The following MARCHF11 variants were observed in gnomAD, a reference collection of about 807,000 sequenced individuals.
MARCHF11 encodes the protein membrane associated ring-CH-type finger 11.
In MARCHF11, 29 loss-of-function variants were observed where a neutral mutation model predicts 37.3. The observed-to-expected ratio is 0.78, with a 90% CI of 0.58 to 1.06. The LOEUF is 1.06. Ranked by LOEUF, MARCHF11 falls within the 50% of genes least tolerant of loss-of-function variation. The probability of loss-of-function intolerance (pLI) is 0.00; values close to 1 mark genes in which losing one functional copy is unlikely to be tolerated. For synonymous variants in MARCHF11, 233 were observed against 228.0 expected (o/e 1.02, Z -0.20); for missense variants, 482 against 533.4 (o/e 0.90, Z 0.95).
intron 3 of MARCHF11, among the ~76,000 whole-genome samples, chr5:16,089,521 A>AT (rs1281909954): frequency 6.6e-6 from 1 of 150,532 alleles, no homozygotes; most frequent in South Asian, 2.1e-4. Flanking sequence ...TCATTCTTTT[A>AT]TTTTTTTCTT....
intron 2 of MARCHF11, among the ~76,000 whole-genome samples, chr5:16,114,414 A>C (rs1157532912): frequency 6.6e-6 from 1 of 152,226 alleles, no homozygotes; most frequent in African/African-American, 2.4e-5. Flanking sequence ...AAAATACAGA[A>C]GTCTAAAATC....
At chr5:16,172,685 C>T (rs1309667458) in intron 2 of MARCHF11, among the ~76,000 whole-genome samples, 1 of 152,194 alleles carries the variant, frequency 6.6e-6, no homozygotes, top group African/African-American at 2.4e-5. Context: ...GGTAATTTTT[C>T]AGCTCCTCCT....
chr5:16,067,486 T>C lies in MARCHF11; in HGVS notation c.1194A>G (p.Arg398=). The change falls in exon 4 of 4, where the codon AGA becomes AGG. Residue 398 remains arginine, a synonymous_variant. Transcript: ENST00000332432. Reference sequence around the variant, plus strand: ...TATGCTTTTGTCACACTGAAGTCACTCTCATCACAACCTCCCCCGAGCTGT... The same window carrying C: ...TATGCTTTTGTCACACTGAAGTCACCCTCATCACAACCTCCCCCGAGCTGT... ...EDNSSGEVVM[R]VTSV 1 of 1,613,146 alleles carries C rather than the reference T, an allele frequency of 6.2e-7. No homozygotes were observed. The highest frequency in any genetic ancestry group is 2.2e-5 in the East Asian group (1 of 44,858).
At chr5:16,144,088 C>T (rs1737762891) in intron 2 of MARCHF11, among the ~76,000 whole-genome samples, 1 of 152,140 alleles carries the variant, frequency 6.6e-6, no homozygotes, top group East Asian at 1.9e-4. Context: ...CCTTAATGGA[C>T]CCATCTTTGA....
chr5:16,085,212 T>C lies in MARCHF11; in HGVS notation c.886+5677A>G, dbSNP rs1055928806. On this transcript the variant is annotated intron_variant, in intron 3 of 3. Transcript: ENST00000332432. The stretch of plus-strand genomic sequence containing the variant: ...CGTTAAAATTATAATAGATTTTTTT[T>C]TTTAAAGTGATCCAAAAACTCCTAA... Among the ~76,000 whole-genome samples the C allele has an allele frequency of 3.6e-4, 55 of 152,134 alleles. 1 individual carries two copies. The highest frequency in any genetic ancestry group is 1.3e-3 in the African/African-American group (52 of 41,438).
intron 2 of MARCHF11, among the ~76,000 whole-genome samples, chr5:16,124,251 A>G (rs1737362397): frequency 6.6e-6 from 1 of 152,184 alleles, no homozygotes; most frequent in Non-Finnish European, 1.5e-5. Context: ...CCTAGAACCT[A>G]AGGGTTCTGA....
At chr5:16,160,053 C>T (rs1738044319) in intron 2 of MARCHF11, among the ~76,000 whole-genome samples, 1 of 151,782 alleles carries the variant, frequency 6.6e-6, no homozygotes, top group South Asian at 2.1e-4. Context: ...AACACAACCA[C>T]TGTTTCTTTT....
intron 2 of MARCHF11, among the ~76,000 whole-genome samples, chr5:16,125,270 G>A (rs1737382950): frequency 6.6e-6 from 1 of 151,100 alleles, no homozygotes; most frequent in Non-Finnish European, 1.5e-5. Context: ...CTGAATACTG[G>A]GCCCAAAGCC....
intron 2 of MARCHF11, among the ~76,000 whole-genome samples, chr5:16,174,681 A>G (rs1008331858): frequency 6.6e-6 from 1 of 152,154 alleles, no homozygotes; most frequent in Non-Finnish European, 1.5e-5. Context: ...TCTTGCATAC[A>G]TGGTTTTAAG....
intron 2 of MARCHF11, among the ~76,000 whole-genome samples, chr5:16,107,353 G>A (rs1253384200): frequency 6.6e-6 from 1 of 151,186 alleles, no homozygotes; most frequent in Non-Finnish European, 1.5e-5. Context: ...TTGAAAATCA[G>A]ATTACCATAT....
At chr5:16,086,469 G>T (rs1409683667) in intron 3 of MARCHF11, among the ~76,000 whole-genome samples, 1 of 152,194 alleles carries the variant, frequency 6.6e-6, no homozygotes, top group Non-Finnish European at 1.5e-5. Context: ...AGCAATCCGT[G>T]TTTTTAAGTG....
Position 16,123,581 on chromosome 5 carries a change from A to C in MARCHF11, c.694-32500T>G, listed in dbSNP as rs550229410. On this transcript the variant is annotated intron_variant, in intron 2 of 3. Coordinates refer to ENST00000332432, the MANE Select transcript of MARCHF11 (RefSeq NM_001102562.3). ...TAGTCCTGTGTGGCCTTGTCACTGA[A>C]CTCTTAAGAGTTTTATTTTATAGCT... Among the ~76,000 whole-genome samples, 8 of 152,046 alleles carry C rather than the reference A, an allele frequency of 5.3e-5. No homozygotes were observed. The South Asian group carries it at 1.7e-3, about 32-fold the overall frequency.
At chr5:16,121,331 G>A (rs146199189) in intron 2 of MARCHF11, among the ~76,000 whole-genome samples, 1 of 152,168 alleles carries the variant, frequency 6.6e-6, no homozygotes, top group African/African-American at 2.4e-5. Flanking sequence ...AATATGCCTT[G>A]CCCATTAGAC....
chr5:16,162,780 A>G (rs1738103093), intron 2 of MARCHF11, among the ~76,000 whole-genome samples: 1 of 152,068 alleles, frequency 6.6e-6, no homozygotes, highest in Non-Finnish European at 1.5e-5. Context: ...CAAATAAATG[A>G]ATACACAGCA....
intron 2 of MARCHF11, among the ~76,000 whole-genome samples, chr5:16,150,429 A>C (rs1360397567): frequency 6.7e-6 from 1 of 149,456 alleles, no homozygotes; most frequent in Non-Finnish European, 1.5e-5. Context: ...GGTTCTACAG[A>C]ACAGGCAGGG....
intron 2 of MARCHF11, among the ~76,000 whole-genome samples, chr5:16,165,436 T>C (rs968549091): frequency 6.6e-6 from 1 of 152,094 alleles, no homozygotes; most frequent in African/African-American, 2.4e-5. Flanking sequence ...CATACTTAGT[T>C]CTGTCTCATG....
chr5:16,072,579 T>A (rs972904528), intron 3 of MARCHF11, among the ~76,000 whole-genome samples: 4 of 150,866 alleles, frequency 2.7e-5, no homozygotes, highest in Admixed American at 2.0e-4. Context: ...TGTGAGGACA[T>A]AACAGGGAGA....
rs56978661 is a variant in MARCHF11 at position 16,130,251 on chromosome 5, TAC to T, written c.694-39172_694-39171del. On this transcript the variant is annotated intron_variant, in intron 2 of 3. Transcript: ENST00000332432. The stretch of plus-strand genomic sequence containing the variant: ...TAAAAGACCGTAAATTCCAGGTACA[TAC>T]ACACACACACACACACACACACACA... 4.5e-3 allele frequency among the ~76,000 whole-genome samples: 646 copies of T among 143,810 alleles called. 2 individuals are homozygous for T. The highest frequency in any genetic ancestry group is 8.3e-3 in the African/African-American group (321 of 38,800). 94.3% of individuals were successfully genotyped at this position (143,810 alleles called of 152,430 possible).
chr5:16,107,057 T>C (rs1463282849), intron 2 of MARCHF11, among the ~76,000 whole-genome samples: 8 of 152,212 alleles, frequency 5.3e-5, no homozygotes, highest in Admixed American at 5.2e-4. Context: ...TGAGGTGTGT[T>C]ACGAAGCTGC....
Sources: allele counts gnomAD v4.1 joint callset (sites outside exome capture counted in the v4.1 genomes callset), GRCh38; gene constraint gnomAD v4.1.1; transcripts MANE v1.5; gene names NCBI Gene and HGNC (gene_info 2026-07-23, HGNC 2026-07-21).